DPP10: variants seen among roughly 807,000 people sequenced by gnomAD.
DPP10 encodes the protein dipeptidyl peptidase like 10, also known as inactive dipeptidyl peptidase 10.
Under a neutral mutation model 120.9 loss-of-function variants are expected in DPP10, and 33 were observed. The observed-to-expected ratio is 0.27, with a 90% CI of 0.21 to 0.37. DPP10 has a LOEUF of 0.37. Ranked by LOEUF, DPP10 falls within the 10% of genes least tolerant of loss-of-function variation. DPP10 has a pLI of 1.00. For synonymous variants in DPP10, 337 were observed against 326.1 expected, an observed-to-expected ratio of 1.03 and a Z score of -0.36; for missense variants, 816 against 942.8, an observed-to-expected ratio of 0.87 and a Z score of 1.76.
chr2:115,451,457 G>T (rs145737348), intron 3 of DPP10, among the ~76,000 whole-genome samples: 1 of 151,958 alleles, frequency 6.6e-6, no homozygotes, highest in African/African-American at 2.4e-5. Context: ...CTCTTTGAAA[G>T]CATCTTGCCA....
chr2:114,722,835 C>T (rs1295070476), intron 1 of DPP10, among the ~76,000 whole-genome samples: 1 of 150,154 alleles, frequency 6.7e-6, no homozygotes, highest in Non-Finnish European at 1.5e-5. Flanking sequence ...ACCTGTAAAG[C>T]CTTCTTTTTA....
chr2:114,640,188 G>T (rs1035838626), intron 1 of DPP10, among the ~76,000 whole-genome samples: 3 of 151,848 alleles, frequency 2.0e-5, no homozygotes, highest in Admixed American at 1.3e-4. Flanking sequence ...ACAGCTGAAG[G>T]CCTGGAGACC....
At chr2:115,196,494 C>T (rs550986977) in intron 1 of DPP10, among the ~76,000 whole-genome samples, 52 of 152,130 alleles carry the variant, frequency 3.4e-4, no homozygotes, top group Non-Finnish European at 5.3e-4. Context: ...ATACTCTCCA[C>T]ATAATTAGTA....
At chr2:115,818,133 T>C (rs752496424) in intron 21 of DPP10, among the ~76,000 whole-genome samples, 3 of 152,140 alleles carry the variant, frequency 2.0e-5, no homozygotes, top group Admixed American at 6.5e-5. Context: ...GAGAGCAAGG[T>C]GCTCTTTAGT....
intron 1 of DPP10, among the ~76,000 whole-genome samples, chr2:114,552,344 GT>G (rs5833551): frequency 0.71 from 107,935 of 152,008 alleles, 39,720 homozygotes; most frequent in South Asian, 0.84. Context: ...CCCATTACAA[GT>G]TTGCTCCTGT....
At chr2:115,083,670 AAAC>A (rs1708462840) in intron 1 of DPP10, among the ~76,000 whole-genome samples, 1 of 152,216 alleles carries the variant, frequency 6.6e-6, no homozygotes, top group Non-Finnish European at 1.5e-5. Context: ...AAAAGTTATT[AAAC>A]AACAACTTTC....
intron 3 of DPP10, among the ~76,000 whole-genome samples, chr2:115,354,861 C>A (rs2064269639): frequency 6.6e-6 from 1 of 152,092 alleles, no homozygotes. Flanking sequence ...TCATCCATGT[C>A]CCTGCAAAGC....
chr2:114,507,264 G>A (rs1454045870), intron 1 of DPP10, among the ~76,000 whole-genome samples: 2 of 151,986 alleles, frequency 1.3e-5, no homozygotes, highest in East Asian at 3.9e-4. Flanking sequence ...GTCCCGGCTG[G>A]CCTCAAATTC....
intron 1 of DPP10, among the ~76,000 whole-genome samples, chr2:114,944,217 T>G (rs1697186096): frequency 6.6e-6 from 1 of 152,128 alleles, no homozygotes; most frequent in Non-Finnish European, 1.5e-5. Flanking sequence ...ATGTTGCAAA[T>G]AATGTAATTT....
chr2:114,541,626 A>T (rs944642598), intron 1 of DPP10, among the ~76,000 whole-genome samples: 2 of 152,246 alleles, frequency 1.3e-5, no homozygotes, highest in Non-Finnish European at 2.9e-5. Context: ...GAAAAAAAAT[A>T]AAAGCAAATG....
At chr2:115,331,704 T>C (rs2062751897) in intron 2 of DPP10, among the ~76,000 whole-genome samples, 1 of 152,232 alleles carries the variant, frequency 6.6e-6, no homozygotes. Flanking sequence ...TCTTTGGTTC[T>C]ATTTATATGA....
chr2:115,430,357 A>T (rs1304606759), intron 3 of DPP10, among the ~76,000 whole-genome samples: 1 of 152,206 alleles, frequency 6.6e-6, no homozygotes, highest in Admixed American at 6.5e-5. Context: ...AATGAATATG[A>T]AATTAATCTT....
chr2:114,910,165 T>C, intron 1 of DPP10, among the ~76,000 whole-genome samples: 1 of 151,964 alleles, frequency 6.6e-6, no homozygotes, highest in East Asian at 1.9e-4. Context: ...AATAAATGTA[T>C]ACACACACAT....
chr2:114,785,430 G>A (rs1423807129), intron 1 of DPP10, among the ~76,000 whole-genome samples: 2 of 152,042 alleles, frequency 1.3e-5, no homozygotes, highest in Admixed American at 6.6e-5. Context: ...CACCTAACTG[G>A]ACCCTTTGTT....
intron 1 of DPP10, among the ~76,000 whole-genome samples, chr2:114,571,169 G>A (rs1689613183): frequency 2.6e-5 from 4 of 152,240 alleles, no homozygotes; most frequent in South Asian, 2.1e-4. Flanking sequence ...TGCTGGAGAC[G>A]GGGCGTACTG....
chr2:115,336,603 A>C (rs200862538), intron 2 of DPP10, among the ~76,000 whole-genome samples: 2,491 of 93,890 alleles, frequency 0.027, 20 homozygotes, highest in Middle Eastern at 0.033. Flanking sequence ...CTCTCTCTAT[A>C]TATATATATA....
At chr2:115,381,314 C>A (rs527804391) in intron 3 of DPP10, among the ~76,000 whole-genome samples, 80 of 152,152 alleles carry the variant, frequency 5.3e-4, no homozygotes, top group African/African-American at 1.9e-3. Context: ...CATCTTCCAT[C>A]ACTAATACCC....
At chr2:114,567,570 A>G (rs952897641) in intron 1 of DPP10, among the ~76,000 whole-genome samples, 6 of 152,224 alleles carry the variant, frequency 3.9e-5, no homozygotes, top group African/African-American at 1.4e-4. Flanking sequence ...ATTCTTTCCT[A>G]GAGTCACCAG....
chr2:115,133,145 G>GTGTGTGTGTATATA (rs1338395575), intron 1 of DPP10, among the ~76,000 whole-genome samples: 4 of 28,762 alleles, frequency 1.4e-4, no homozygotes, highest in African/African-American at 5.1e-4. Flanking sequence ...GTGTGTGTGT[G>GTGTGTGTGTATATA]TATATATATA....
Sources: allele counts gnomAD v4.1 joint callset (sites outside exome capture counted in the v4.1 genomes callset), GRCh38; gene constraint gnomAD v4.1.1; transcripts MANE v1.5; gene names NCBI Gene and HGNC (gene_info 2026-07-23, HGNC 2026-07-21).